The following MEF2B variants were observed in gnomAD, a reference collection of about 807,000 sequenced individuals.
The protein encoded by MEF2B is myocyte enhancer factor 2B.
In MEF2B, 15 loss-of-function variants were observed where a neutral mutation model predicts 32.2. The observed-to-expected ratio is 0.47, with a 90% CI of 0.31 to 0.72. The LOEUF is 0.72. Ranked by LOEUF, MEF2B falls within the 30% of genes least tolerant of loss-of-function variation. The pLI is 0.05. For synonymous variants in MEF2B, 205 were observed against 225.6 expected (o/e 0.91, Z 0.82); for missense variants, 441 against 511.5 (o/e 0.86, Z 1.33).
At position 19,145,618 on chromosome 19, in the gene MEF2B, G is replaced by A. The variant is rs1469201939; in HGVS notation, c.*179C>T. On this transcript the variant is annotated 3_prime_UTR_variant, in exon 9 of 9. Transcript: ENST00000424583. This position sits in a 1 kb window ranked among gnomAD's most constrained non-coding sequence, Gnocchi z 4.6. ...TTATTTGTGGATATACACACAAATA[G>A]GAAGAAGGAAAGGAGCCCCCCAGGG... 3.5e-6 allele frequency: 5 copies of A among 1,417,142 alleles called. No individual in the cohort carries two copies. Among genetic ancestry groups the A allele is most frequent in the Admixed American group, 5.1e-5 (2 of 39,068 alleles). The allele number at this position is 1,417,142 out of a possible 1,614,324, so 87.8% of individuals were successfully genotyped here.
At chr19:19,158,663 T>A (rs949420438) in intron 1 of MEF2B, among the ~76,000 whole-genome samples, 1 of 148,636 alleles carries the variant, frequency 6.7e-6, no homozygotes, top group Non-Finnish European at 1.5e-5. Flanking sequence ...GAGGCTGAGG[T>A]GGGAGAATCA....
Position 19,147,339 on chromosome 19 carries a change from C to A in MEF2B, c.394-156G>T, listed in dbSNP as rs1276345113. ...GCTCCCTACCTGCTCCTCCCCCTGC[C>A]CTAACCCTACAGGCTGGGGGAGCTT... On this transcript the variant is annotated intron_variant, in intron 4 of 8. Coordinates refer to ENST00000424583, the MANE Select transcript of MEF2B (RefSeq NM_001145785.2). Among the ~76,000 whole-genome samples, 2 of 130,206 alleles carry A rather than the reference C, an allele frequency of 1.5e-5. 1 individual carries two copies. The allele number at this position is 130,206 out of a possible 152,430, so 85.4% of individuals were successfully genotyped here. A position where few individuals can be genotyped will look rare whatever the true frequency, so the allele number is the denominator to read the frequency against.
rs181551265 is a variant in MEF2B, at chr19:19,149,304, C to T, written c.180G>A (p.Thr60=). 21 of 1,613,878 alleles carry T rather than the reference C, an allele frequency of 1.3e-5. No individual in the cohort carries two copies. In the Admixed American group the frequency reaches 2.0e-4, roughly 15 times the overall value. The change falls in exon 3 of 9, where the codon ACG becomes ACA. Residue 60 remains threonine, a synonymous_variant. Transcript: ENST00000424583. ...SANRLFQYAS[T]DMDRVLLKYT... ...ACTTCAGCAGCACACGGTCCATGTC[C>T]GTGCTGGCATACTGGAAGAGGCGGT...
chr19:19,154,022 G>T (rs1262378288), intron 1 of MEF2B, among the ~76,000 whole-genome samples: 1 of 152,060 alleles, frequency 6.6e-6, no homozygotes, highest in Non-Finnish European at 1.5e-5. Context: ...CAAAGTGCTG[G>T]GATTCCAGGT....
chr19:19,153,100 C>T (rs1016795967), intron 1 of MEF2B, among the ~76,000 whole-genome samples: 2 of 152,204 alleles, frequency 1.3e-5, no homozygotes, highest in Non-Finnish European at 2.9e-5. Context: ...AAGATGACTC[C>T]GGAAATGCCC....
At position 19,146,266 on chromosome 19, in the gene MEF2B, C is replaced by A. The variant is rs2146349450; in HGVS notation, c.881+7G>T. On this transcript the variant is annotated splice_region_variant and intron_variant, in intron 8 of 8. Coordinates refer to ENST00000424583, the MANE Select transcript of MEF2B (RefSeq NM_001145785.2). The stretch of plus-strand genomic sequence containing the variant: ...ACTGGGACTTGCCGTCGTCTCAGGG[C>A]ACTTACCTGGGCTGGGAGGACACGG... 1 of 1,298,786 alleles carries A rather than the reference C, an allele frequency of 7.7e-7. No individual in the cohort carries two copies. The highest frequency in any genetic ancestry group is 3.6e-5 in the Admixed American group (1 of 27,684). 80.5% of individuals were successfully genotyped at this position (1,298,786 alleles called of 1,614,324 possible).
chr19:19,170,144 C>T (rs915483776), intron 1 of MEF2B, 61 bp downstream of exon 1: 1 of 398,436 alleles, frequency 2.5e-6, no homozygotes, highest in Non-Finnish European at 4.4e-6. Context: ...CCAAAACCCA[C>T]CCAGCCCGCA....
intron 1 of MEF2B, among the ~76,000 whole-genome samples, chr19:19,159,728 C>T (rs1278493502): frequency 2.6e-5 from 4 of 152,066 alleles, no homozygotes; most frequent in African/African-American, 7.2e-5. Context: ...GTCACTAAGT[C>T]AATCAACAAA....
chr19:19,150,934 G>A (rs1365895219), intron 1 of MEF2B, among the ~76,000 whole-genome samples, 170 bp from the exon 2 acceptor site: 1 of 152,182 alleles, frequency 6.6e-6, no homozygotes, highest in African/African-American at 2.4e-5. Context: ...GCCAGCCTTA[G>A]GATGCAGTAG....
intron 1 of MEF2B, among the ~76,000 whole-genome samples, chr19:19,161,587 C>A (rs2060163531): frequency 6.6e-6 from 1 of 151,950 alleles, no homozygotes; most frequent in Non-Finnish European, 1.5e-5. Context: ...ACATGCCAAT[C>A]CCCCAAATGC....
chr19:19,158,863 G>T (rs2146372305), intron 1 of MEF2B, among the ~76,000 whole-genome samples: 1 of 152,178 alleles, frequency 6.6e-6, no homozygotes, highest in East Asian at 2.0e-4. Context: ...TTGAGCAGGG[G>T]GAGGCAGAGG....
chr19:19,153,171 A>C (rs535696005), intron 1 of MEF2B, among the ~76,000 whole-genome samples: 1 of 152,264 alleles, frequency 6.6e-6, no homozygotes, highest in Admixed American at 6.5e-5. Flanking sequence ...GAGTCTCTTA[A>C]GCCTGGAAGA....
Position 19,146,358 on chromosome 19 carries a change from G to T in MEF2B, c.796C>A (p.Pro266Thr). ...GTGGGGGGCTGCAACAAGCCAGGGG[G>T]CGGTGGAGGGTCTCCCAGGCCATAT... ...PEYGLGDPPP[P>T]PGLLQPPTLA... The change falls in exon 8 of 9, where the codon CCC (proline) becomes ACC (threonine). Residue 266 changes from proline to threonine, a missense_variant. Pro to Thr is a conservative substitution (Grantham distance 38). Transcript: ENST00000424583. 1 of 1,102,350 alleles carries T rather than the reference G, an allele frequency of 9.1e-7. No homozygotes were observed. The highest frequency in any genetic ancestry group is 1.2e-6 in the Non-Finnish European group (1 of 818,036). 68.3% of individuals were successfully genotyped at this position (1,102,350 alleles called of 1,614,324 possible).
chr19:19,146,463 T>G (rs1012288050), intron 7 of MEF2B, 79 bp from the exon 8 acceptor site: 59 of 1,340,752 alleles, frequency 4.4e-5, no homozygotes, highest in Non-Finnish European at 5.1e-5. Flanking sequence ...CAGTGACAGT[T>G]TTGAGTTCTG....
At chr19:19,150,343 C>T (rs1338771599) in intron 2 of MEF2B, among the ~76,000 whole-genome samples, 1 of 151,800 alleles carries the variant, frequency 6.6e-6, no homozygotes, top group Non-Finnish European at 1.5e-5. Flanking sequence ...GCCTGGCCCA[C>T]ATGGTGAAAC....
At chr19:19,150,523 CAAA>C (rs67741867) in intron 2 of MEF2B, among the ~76,000 whole-genome samples, 156 bp downstream of exon 2, 58 of 103,398 alleles carry the variant, frequency 5.6e-4, no homozygotes, top group Middle Eastern at 0.01. Context: ...GACTTCATCT[CAAA>C]AAAAAAAAAA....
intron 1 of MEF2B, among the ~76,000 whole-genome samples, chr19:19,160,745 A>G (rs952285382): frequency 6.6e-6 from 1 of 152,052 alleles, no homozygotes; most frequent in Non-Finnish European, 1.5e-5. Flanking sequence ...CTGTGGTTTC[A>G]TCACCTGCTC....
chr19:19,145,740 C>A lies in MEF2B; in HGVS notation c.*57G>T. ...AGAGGCCTGGAGGGAGGTGGGGTCC[C>A]CACGTGCCCTCGCCGTACCTGGCGA... On this transcript the variant is annotated 3_prime_UTR_variant, in exon 9 of 9. Transcript: ENST00000424583. The surrounding 1 kb of genome is among the most constrained non-coding windows in gnomAD (Gnocchi z 4.6). 6.4e-7 allele frequency: 1 copy of A among 1,558,612 alleles called. No individual in the cohort carries two copies. The highest frequency in any genetic ancestry group is 2.4e-5 in the East Asian group (1 of 42,238).
intron 1 of MEF2B, 127 bp from the exon 2 acceptor site, chr19:19,150,891 C>T: frequency 8.4e-7 from 1 of 1,184,786 alleles, no homozygotes; most frequent in Non-Finnish European, 1.2e-6. Flanking sequence ...AAAATCAAGG[C>T]AGGCTGGGTC....
Sources: allele counts gnomAD v4.1 joint callset (sites outside exome capture counted in the v4.1 genomes callset), GRCh38; gene constraint gnomAD v4.1.1; non-coding constraint Gnocchi (gnomAD v3.1); transcripts MANE v1.5; gene names NCBI Gene and HGNC (gene_info 2026-07-23, HGNC 2026-07-21).